Variants in MGAT4C observed in about 807,000 individuals in gnomAD.
MGAT4C encodes MGAT4 family member C.
Under a neutral mutation model 40.1 loss-of-function variants are expected in MGAT4C, and 19 were observed. The observed-to-expected ratio is 0.47, with a 90% CI of 0.33 to 0.70. The LOEUF (loss-of-function observed/expected upper bound fraction) is 0.70. MGAT4C is among the 30% of genes least tolerant of loss of function. The pLI, the probability that MGAT4C is intolerant of heterozygous loss-of-function variation, is 0.02. For missense variants in MGAT4C, 491 were observed against 563.2 expected (o/e 0.87, Z 1.30); for synonymous variants, 181 against 187.1 (o/e 0.97, Z 0.27).
At chr12:86,614,626 A>C (rs2136479800) in intron 2 of MGAT4C, among the ~76,000 whole-genome samples, 1 of 151,732 alleles carries the variant, frequency 6.6e-6, no homozygotes, top group African/African-American at 2.4e-5. Context: ...AAACAAGTGA[A>C]GTTAAACAAT....
At chr12:86,756,908 G>C (rs1213679067) in intron 1 of MGAT4C, among the ~76,000 whole-genome samples, 2 of 152,046 alleles carry the variant, frequency 1.3e-5, no homozygotes, top group Non-Finnish European at 2.9e-5. Context: ...ACATTACTTT[G>C]CTTCAAATGT....
chr12:86,155,164 C>T (rs1226625761), intron 1 of MGAT4C, among the ~76,000 whole-genome samples: 1 of 152,082 alleles, frequency 6.6e-6, no homozygotes, highest in African/African-American at 2.4e-5. Context: ...AATTTAGAAA[C>T]CAAAAATATC....
intron 2 of MGAT4C, among the ~76,000 whole-genome samples, chr12:86,487,467 C>T (rs992293858): frequency 1.3e-5 from 2 of 152,092 alleles, no homozygotes; most frequent in African/African-American, 4.8e-5. Flanking sequence ...TGGCTATTGA[C>T]TTTAGTTGTC....
chr12:86,675,697 T>C (rs1964375055), intron 2 of MGAT4C, among the ~76,000 whole-genome samples: 2 of 152,174 alleles, frequency 1.3e-5, no homozygotes, highest in Non-Finnish European at 1.5e-5. Context: ...TTTATTTCCA[T>C]TGATACAAAA....
At chr12:86,088,415 A>C (rs560948841) in intron 1 of MGAT4C, among the ~76,000 whole-genome samples, 3 of 152,178 alleles carry the variant, frequency 2.0e-5, no homozygotes, top group Admixed American at 2.0e-4. Context: ...AAAAGAAACT[A>C]TCAACAGAGT....
At chr12:86,256,812 C>A (rs1003533852), upstream of MGAT4C, among the ~76,000 whole-genome samples, 1 of 151,978 alleles carries the variant, frequency 6.6e-6, no homozygotes, top group Admixed American at 6.6e-5. Context: ...AGTACTAGCC[C>A]CTGAGATTTA....
chr12:86,666,417 A>G (rs1002687939), intron 2 of MGAT4C, among the ~76,000 whole-genome samples: 2 of 152,014 alleles, frequency 1.3e-5, no homozygotes, highest in African/African-American at 4.8e-5. Context: ...GTCATACTGC[A>G]TTAAAAAAAA....
chr12:86,615,848 A>T (rs1962430196), intron 2 of MGAT4C, among the ~76,000 whole-genome samples: 1 of 152,086 alleles, frequency 6.6e-6, no homozygotes, highest in Non-Finnish European at 1.5e-5. Flanking sequence ...ACTAGAATAG[A>T]TCAGGCTCAG....
intron 2 of MGAT4C, among the ~76,000 whole-genome samples, chr12:86,030,957 T>G (rs916136888): frequency 8.6e-5 from 13 of 151,778 alleles, no homozygotes; most frequent in African/African-American, 3.1e-4. Flanking sequence ...GGTGATAGTG[T>G]TTCATGTAAC....
intron 1 of MGAT4C, among the ~76,000 whole-genome samples, chr12:86,113,092 T>A (rs2135651492): frequency 6.6e-6 from 1 of 151,858 alleles, no homozygotes; most frequent in South Asian, 2.1e-4. Flanking sequence ...TAATGGAAAT[T>A]GCCAAAATAA....
intron 2 of MGAT4C, among the ~76,000 whole-genome samples, chr12:86,036,522 T>C (rs1891253807): frequency 6.7e-6 from 1 of 150,166 alleles, no homozygotes; most frequent in African/African-American, 2.4e-5. Flanking sequence ...TGTTGAGTTT[T>C]GATGAAGGCT....
At chr12:86,603,366 CTATATACTA>C (rs1266383636) in intron 2 of MGAT4C, among the ~76,000 whole-genome samples, 1 of 126,472 alleles carries the variant, frequency 7.9e-6, no homozygotes, top group African/African-American at 3.0e-5. Context: ...ATAGTATATG[CTATATACTA>C]TATATACTAT....
intron 1 of MGAT4C, among the ~76,000 whole-genome samples, chr12:86,783,375 A>T (rs903164101): frequency 2.0e-5 from 3 of 152,130 alleles, no homozygotes; most frequent in South Asian, 2.1e-4. Flanking sequence ...TTTCACATGC[A>T]TCATTTCAAT....
chr12:86,724,288 G>A lies in MGAT4C; in HGVS notation c.-229+2921C>T, dbSNP rs187292227. 3.1e-3 allele frequency among the ~76,000 whole-genome samples: 471 copies of A among 152,212 alleles called. 3 individuals carry two copies. Among genetic ancestry groups the A allele is most frequent in the Middle Eastern group, 0.014 (4 of 294 alleles). On this transcript the variant is annotated intron_variant, in intron 2 of 7. Coordinates refer to the MGAT4C transcript ENST00000548651. ...ATACACCTATTTAATGATCTCCTCAGCACTGTTGTGTCTCCCCAAATTGTA... is the reference window on the plus strand; with the variant it reads ...ATACACCTATTTAATGATCTCCTCAACACTGTTGTGTCTCCCCAAATTGTA...
In MGAT4C at chr12:86,580,697, C is replaced by T. The variant is rs558914972; in HGVS notation, c.-228-145432G>A. On this transcript the variant is annotated intron_variant, in intron 2 of 7. Transcript: ENST00000548651. ...TTTTAATGTAAAATGTTAATAATTT[C>T]TTCATAGCCTTATTTTCGGTATTGA... Among the ~76,000 whole-genome samples the T allele has an allele frequency of 5.4e-4, 82 of 151,510 alleles. 2 individuals are homozygous for T. In the Middle Eastern group the frequency reaches 0.017, roughly 31 times the overall value.
intron 1 of MGAT4C, among the ~76,000 whole-genome samples, chr12:86,145,305 C>G (rs1462357469): frequency 2.0e-5 from 3 of 151,992 alleles, no homozygotes; most frequent in Admixed American, 2.0e-4. Context: ...TGGTAGGAGA[C>G]CATTTTCATG....
At chr12:86,454,753 G>C (rs182061847) in intron 2 of MGAT4C, among the ~76,000 whole-genome samples, 1 of 152,054 alleles carries the variant, frequency 6.6e-6, no homozygotes, top group Non-Finnish European at 1.5e-5. Flanking sequence ...TAATAACAGC[G>C]ATAGCAGTTT....
chr12:86,057,177 A>T (rs528295238), intron 1 of MGAT4C, among the ~76,000 whole-genome samples: 1 of 152,066 alleles, frequency 6.6e-6, no homozygotes, highest in East Asian at 1.9e-4. Context: ...TTTACTAATT[A>T]TTATTATTTT....
chr12:86,348,642 T>G (rs1955091982), intron 3 of MGAT4C, among the ~76,000 whole-genome samples: 1 of 152,168 alleles, frequency 6.6e-6, no homozygotes, highest in South Asian at 2.1e-4. Flanking sequence ...TGCATCACCA[T>G]CTTTTGAGCA....
Sources: gnomAD v4.1 joint callset for allele counts (sites outside exome capture counted in the v4.1 genomes callset) on GRCh38, gnomAD v4.1.1 for gene constraint, MANE v1.5 for transcripts, NCBI Gene and HGNC (gene_info 2026-07-23, HGNC 2026-07-21) for gene names.